The following INCENP variants were observed in gnomAD, a reference collection of about 807,000 sequenced individuals.
INCENP encodes inner centromere protein.
INCENP carries 43 observed loss-of-function variants against 107.3 expected under a neutral mutation model. The observed-to-expected ratio is 0.40, with a 90% CI of 0.31 to 0.52. The LOEUF is 0.52. Ranked by LOEUF, INCENP falls within the 20% of genes least tolerant of loss-of-function variation. The probability of loss-of-function intolerance (pLI) is 0.53; values close to 1 mark genes in which losing one functional copy is unlikely to be tolerated. For missense variants in INCENP, 1,089 were observed against 1,250.9 expected (o/e 0.87, Z 1.95); for synonymous variants, 488 against 494.4 (o/e 0.99, Z 0.17).
intron 14 of INCENP, among the ~76,000 whole-genome samples, chr11:62,146,291 G>C (rs898352109): frequency 1.3e-5 from 2 of 152,200 alleles, no homozygotes; most frequent in Non-Finnish European, 2.9e-5. Flanking sequence ...GCTAGGCCCT[G>C]CTGTGTGTTG....
chr11:62,151,213 G>A (rs938147572), intron 18 of INCENP, among the ~76,000 whole-genome samples: 1 of 152,204 alleles, frequency 6.6e-6, no homozygotes, highest in Admixed American at 6.5e-5. Context: ...CGCACCTGGT[G>A]CTGAGCAAGT....
intron 1 of INCENP, among the ~76,000 whole-genome samples, 173 bp downstream of exon 1, chr11:62,124,336 C>A (rs759890463): frequency 4.6e-5 from 7 of 152,204 alleles, no homozygotes; most frequent in Non-Finnish European, 8.8e-5. Context: ...CCTTGGTTCT[C>A]GGGCCCGAGA....
In INCENP at chr11:62,137,848, G is replaced by A; in HGVS notation, c.1080G>A (p.Glu360=). The A allele has an allele frequency of 4.3e-6, 7 of 1,614,138 alleles. No homozygotes were observed. Among genetic ancestry groups the A allele is most frequent in the Non-Finnish European group, 5.9e-6 (7 of 1,179,996 alleles). Reference sequence around the variant, plus strand: ...CCCCCTCAGGTCACAGTTACCTGGAGAGGCTCCTGAATGTTGAGGTGCCCC... The same window carrying A: ...CCCCCTCAGGTCACAGTTACCTGGAAAGGCTCCTGAATGTTGAGGTGCCCC... The part of the protein sequence containing the change: ...SGRIICHSYL[E]RLLNVEVPQK... The change falls in exon 5 of 19, where the codon GAG becomes GAA. Residue 360 remains glutamate (E), a synonymous_variant. Transcript: ENST00000394818.
rs779544506 is a variant in INCENP, at chr11:62,146,832, C to T, written c.2134C>T (p.Arg712Trp). 34 of 1,547,132 alleles carry T rather than the reference C, an allele frequency of 2.2e-5. No homozygotes were observed. The highest frequency in any genetic ancestry group is 8.3e-5 in the African/African-American group (6 of 72,122). Residue 712 changes from arginine to tryptophan, a missense_variant, in exon 15 of 19, where the codon CGG (arginine) becomes TGG (tryptophan). Coordinates refer to ENST00000394818, the MANE Select transcript of INCENP (RefSeq NM_001040694.2). ...RREQERREQE[R>W]REQERQLAEQ... ...CGAGCAGGAGCGGCGGGAGCAGGAG[C>T]GGCGCGAGCAGGAGCGACAGCTGGC...
chr11:62,130,271 C>G lies in INCENP; in HGVS notation c.744C>G (p.Val248=). The change falls in exon 4 of 19, where the codon GTC becomes GTG. Residue 248 remains valine, a synonymous_variant. Coordinates refer to ENST00000394818, the MANE Select transcript of INCENP (RefSeq NM_001040694.2). ...CCCAGGACCCCAAGGGTCAAGGGGT[C>G]GGGACGGGGCGGTCTGCGTCTAAGC... ...ATPQDPKGQG[V]GTGRSASKLR... 6.2e-7 allele frequency: 1 copy of G among 1,612,808 alleles called. No homozygotes were observed. The highest frequency in any genetic ancestry group is 8.5e-7 in the Non-Finnish European group (1 of 1,180,010).
In INCENP at chr11:62,140,780, C is replaced by A. The variant is rs750760327; in HGVS notation, c.1420C>A (p.Pro474Thr). 5 of 1,612,024 alleles carry A rather than the reference C, an allele frequency of 3.1e-6. No individual in the cohort carries two copies. The highest frequency in any genetic ancestry group is 4.2e-6 in the Non-Finnish European group (5 of 1,179,682). The change falls in exon 9 of 19, where the codon CCC (proline) becomes ACC (threonine). Residue 474 changes from proline to threonine, a missense_variant. Transcript: ENST00000394818. ...QHLEDEELQP[P>T]RSKTPSSPCP... ...CCTGGAGGATGAGGAGCTGCAGCCC[C>A]CCAGGAGCAAGACCCCTTCCTCACC... is the stretch of plus-strand genomic sequence containing the variant.
At position 62,130,082 on chromosome 11, in the gene INCENP, G is replaced by C; in HGVS notation, c.555G>C (p.Gln185His). 1 of 1,613,520 alleles carries C rather than the reference G, an allele frequency of 6.2e-7. No individual in the cohort carries two copies. The highest frequency in any genetic ancestry group is 8.5e-7 in the Non-Finnish European group (1 of 1,180,006). Residue 185 changes from glutamine to histidine, a missense_variant, in exon 4 of 19, where the codon CAG (glutamine) becomes CAC (histidine). Gln to His is a conservative substitution (Grantham distance 24). Transcript: ENST00000394818. ...ERQNAEQHVTQLMSTEPLPRT... is the reference protein window; with the variant it reads ...ERQNAEQHVTHLMSTEPLPRT... The stretch of plus-strand genomic sequence containing the variant: ...AGAATGCTGAGCAGCATGTCACCCA[G>C]CTCATGTCCACCGAGCCTCTGCCCC...
At chr11:62,146,547 C>G in intron 14 of INCENP, 111 bp from the exon 15 acceptor site, 1 of 1,471,760 alleles carries the variant, frequency 6.8e-7, no homozygotes. Context: ...CCTGGGTTGT[C>G]CGTGGTGGTG....
At chr11:62,128,742 C>T in intron 2 of INCENP, 28 bp from the exon 3 acceptor site, 1 of 1,528,312 alleles carries the variant, frequency 6.5e-7, no homozygotes, top group South Asian at 1.1e-5. Context: ...CAGGCAGCCT[C>T]GAGTGACACC....
intron 4 of INCENP, among the ~76,000 whole-genome samples, chr11:62,133,677 G>A (rs1943936024): frequency 6.6e-6 from 1 of 152,192 alleles, no homozygotes; most frequent in Non-Finnish European, 1.5e-5. Flanking sequence ...GTAGTCACAT[G>A]GGCGTCTTCA....
chr11:62,135,895 C>T lies in INCENP; in HGVS notation c.1064-1937C>T, dbSNP rs1215153397. Among the ~76,000 whole-genome samples, 7 of 152,064 alleles carry T rather than the reference C, an allele frequency of 4.6e-5. No individual in the cohort carries two copies. In the East Asian group the frequency reaches 5.8e-4, roughly 13 times the overall value. ...CACAATCTCAGCTCACTGCAAGCTC[C>T]GCCTCCCGGGTTCACGCCATTCTCC... On this transcript the variant is annotated intron_variant, in intron 4 of 18. Transcript: ENST00000394818.
intron 4 of INCENP, among the ~76,000 whole-genome samples, chr11:62,137,448 A>C (rs1944016373): frequency 6.6e-6 from 1 of 152,212 alleles, no homozygotes; most frequent in Non-Finnish European, 1.5e-5. Context: ...CCCAGGTCCC[A>C]GTACACTGTA....
chr11:62,140,554 G>T (rs1199085403), intron 8 of INCENP, 150 bp from the exon 9 acceptor site: 4 of 695,096 alleles, frequency 5.8e-6, no homozygotes, highest in Non-Finnish European at 9.8e-6. Flanking sequence ...TCCTCTGAGT[G>T]GGCAGCAGAG....
intron 11 of INCENP, among the ~76,000 whole-genome samples, chr11:62,142,278 C>T (rs1232447088): frequency 1.3e-5 from 2 of 152,232 alleles, no homozygotes; most frequent in Non-Finnish European, 2.9e-5. Flanking sequence ...AGGGCCTCGG[C>T]AGGTGAGAGG....
At chr11:62,139,133 A>G (rs1207649580) in intron 7 of INCENP, 128 bp downstream of exon 7, 4 of 676,750 alleles carry the variant, frequency 5.9e-6, no homozygotes, top group African/African-American at 3.6e-5. Flanking sequence ...GAGAAATTAA[A>G]CCTGGGGGTG....
intron 7 of INCENP, 79 bp downstream of exon 7, chr11:62,139,084 G>A (rs1944056183): frequency 1.0e-6 from 1 of 986,578 alleles, no homozygotes. Context: ...CTTCTCTCTG[G>A]GGATAAGGAA....
At position 62,128,388 on chromosome 11, in the gene INCENP, G is replaced by T. The variant is rs900396021; in HGVS notation, c.140+87G>T. 3 of 1,460,040 alleles carry T rather than the reference G, an allele frequency of 2.1e-6. No individual in the cohort carries two copies. In the African/African-American group the frequency reaches 4.2e-5, roughly 20 times the overall value. 90.4% of individuals were successfully genotyped at this position (1,460,040 alleles called of 1,614,324 possible). A position where few individuals can be genotyped will look rare whatever the true frequency, so the allele number is the denominator to read the frequency against. On this transcript the variant is annotated intron_variant, in intron 2 of 18. Transcript: ENST00000394818. ...GGGGACACAACAGCCCCTCGTCCCCGCCTACCTGGCAAAACAGACAGCCTG... is the reference window on the plus strand; with the variant it reads ...GGGGACACAACAGCCCCTCGTCCCCTCCTACCTGGCAAAACAGACAGCCTG...
chr11:62,144,150 A>C (rs1018044775), intron 11 of INCENP, among the ~76,000 whole-genome samples: 6 of 152,172 alleles, frequency 3.9e-5, no homozygotes, highest in African/African-American at 1.4e-4. Context: ...TGGCCAACAT[A>C]GTGAAACCCC....
intron 15 of INCENP, 96 bp from the exon 16 acceptor site, chr11:62,148,380 C>G: frequency 8.8e-7 from 1 of 1,131,952 alleles, no homozygotes; most frequent in Non-Finnish European, 1.3e-6. Context: ...TAAGGTGTGT[C>G]CTACTGGCTG....
Sources: gnomAD v4.1 joint callset for allele counts (sites outside exome capture counted in the v4.1 genomes callset) on GRCh38, gnomAD v4.1.1 for gene constraint, MANE v1.5 for transcripts, NCBI Gene and HGNC (gene_info 2026-07-23, HGNC 2026-07-21) for gene names.